The following CDH18 variants were observed in gnomAD, a reference collection of about 807,000 sequenced individuals.
CDH18 encodes the protein cadherin-18.
In CDH18, 31 loss-of-function variants were observed where a neutral mutation model predicts 67.9. That is an observed-to-expected ratio of 0.46 (90% CI 0.34 to 0.62). The LOEUF (loss-of-function observed/expected upper bound fraction) is 0.62. CDH18 is among the 20% of genes least tolerant of loss of function. The pLI is 0.01. For synonymous variants in CDH18, 362 were observed against 347.2 expected, an observed-to-expected ratio of 1.04 and a Z score of -0.48; for missense variants, 890 against 975.5, an observed-to-expected ratio of 0.91 and a Z score of 1.17.
intron 2 of CDH18, among the ~76,000 whole-genome samples, chr5:19,929,380 T>C (rs531204105): frequency 6.6e-6 from 1 of 152,024 alleles, no homozygotes; most frequent in Non-Finnish European, 1.5e-5. Context: ...ACAGCAAGCA[T>C]TAGGAAACAG....
intron 1 of CDH18, among the ~76,000 whole-genome samples, chr5:20,545,160 G>A (rs925275934): frequency 1.3e-5 from 2 of 152,172 alleles, no homozygotes; most frequent in East Asian, 1.9e-4. Context: ...GGCTCCCAAG[G>A]CCTTTGGCAA....
intron 2 of CDH18, among the ~76,000 whole-genome samples, chr5:19,977,439 A>G (rs1161071310): frequency 2.0e-5 from 3 of 152,184 alleles, no homozygotes; most frequent in East Asian, 3.9e-4. Flanking sequence ...CAGATGGACA[A>G]TTTGTGCCAG....
At chr5:19,526,719 T>C (rs1013025157) in intron 9 of CDH18, among the ~76,000 whole-genome samples, 1 of 152,074 alleles carries the variant, frequency 6.6e-6, no homozygotes, top group Non-Finnish European at 1.5e-5. Context: ...GGGAATTTGG[T>C]AGATTTCTAA....
intron 1 of CDH18, among the ~76,000 whole-genome samples, chr5:20,502,839 T>G (rs973769799): frequency 6.6e-6 from 1 of 152,138 alleles, no homozygotes; most frequent in Non-Finnish European, 1.5e-5. Context: ...GCCACTTTGA[T>G]GGGTTGACAT....
chr5:19,514,752 T>C lies in CDH18; in HGVS notation c.1512+5905A>G, dbSNP rs542798212. On this transcript the variant is annotated intron_variant, in intron 10 of 12. Coordinates refer to ENST00000382275, the MANE Select transcript of CDH18 (RefSeq NM_004934.5). The stretch of plus-strand genomic sequence containing the variant: ...TTGTAGATTCTGGATATTAGCCCTT[T>C]GTCAGATGAGTAGATTGCAAAAATT... 5.3e-5 allele frequency among the ~76,000 whole-genome samples: 8 copies of C among 152,346 alleles called. 1 individual carries two copies. The highest frequency in any genetic ancestry group is 1.9e-4 in the African/African-American group (8 of 41,586).
intron 1 of CDH18, among the ~76,000 whole-genome samples, chr5:20,432,265 AT>A (rs1158677244): frequency 3.3e-5 from 5 of 152,190 alleles, no homozygotes; most frequent in African/African-American, 1.2e-4. Flanking sequence ...CAAAATACTA[AT>A]TATTATTTTC....
chr5:20,166,065 C>T (rs183620677), intron 2 of CDH18, among the ~76,000 whole-genome samples: 1 of 152,210 alleles, frequency 6.6e-6, no homozygotes, highest in East Asian at 1.9e-4. Context: ...TAATGCCCTA[C>T]CAGGAATCCT....
At position 20,402,617 on chromosome 5, in the gene CDH18, T is replaced by C. The variant is rs75157643; in HGVS notation, c.-579-147112A>G. On this transcript the variant is annotated intron_variant, in intron 1 of 14. Transcript: ENST00000507958. ...GTCTCTTCAGTGTACAATAATATTG[T>C]CTAAAAACGTGGATATCTTAACTTA... is the stretch of plus-strand genomic sequence containing the variant. 3.0e-3 allele frequency among the ~76,000 whole-genome samples: 452 copies of C among 151,652 alleles called. 2 individuals are homozygous for C. Among genetic ancestry groups the C allele is most frequent in the African/African-American group, 0.011 (435 of 40,966 alleles).
In CDH18 at chr5:19,960,561, ATGTGTGTG is replaced by A. The variant is rs146985982; in HGVS notation, c.-257+20491_-257+20498del. On this transcript the variant is annotated intron_variant, in intron 2 of 12. Coordinates refer to ENST00000382275, the MANE Select transcript of CDH18 (RefSeq NM_004934.5). The stretch of plus-strand genomic sequence containing the variant: ...GTTTAATATACGTGTGTGTGTGTGT[ATGTGTGTG>A]TGTGTGTGTGTGTGTGTGTGTATAT... Among the ~76,000 whole-genome samples, 521 of 121,506 alleles carry A rather than the reference ATGTGTGTG, an allele frequency of 4.3e-3. 3 individuals carry two copies. The highest frequency in any genetic ancestry group is 0.01 in the Middle Eastern group (2 of 198). The allele number at this position is 121,506 out of a possible 152,430, so 79.7% of individuals were successfully genotyped here.
chr5:20,149,784 T>C (rs955632690), intron 2 of CDH18, among the ~76,000 whole-genome samples: 2 of 152,146 alleles, frequency 1.3e-5, no homozygotes, highest in Non-Finnish European at 2.9e-5. Flanking sequence ...GCTGTCCACA[T>C]TTTCTCATAA....
At chr5:20,412,511 A>T (rs1746873031) in intron 1 of CDH18, among the ~76,000 whole-genome samples, 1 of 152,238 alleles carries the variant, frequency 6.6e-6, no homozygotes, top group African/African-American at 2.4e-5. Flanking sequence ...AACAGGACTT[A>T]ATTAAAGCAA....
chr5:20,107,572 T>C (rs1161586981), intron 2 of CDH18, among the ~76,000 whole-genome samples: 4 of 152,074 alleles, frequency 2.6e-5, no homozygotes, highest in African/African-American at 7.2e-5. Context: ...GTACCACAGA[T>C]TGGGTGGCTT....
intron 1 of CDH18, chr5:20,304,136 G>C: frequency 6.3e-7 from 1 of 1,594,938 alleles, no homozygotes; most frequent in Non-Finnish European, 8.6e-7. Flanking sequence ...TGGCATGGTG[G>C]CATTCTTCTC....
intron 1 of CDH18, among the ~76,000 whole-genome samples, chr5:20,499,264 A>T (rs899159081): frequency 6.6e-6 from 1 of 152,098 alleles, no homozygotes; most frequent in African/African-American, 2.4e-5. Context: ...ACATCTTCCT[A>T]TATATTTTAA....
Position 20,464,932 on chromosome 5 carries a change from T to C in CDH18, c.-580+110530A>G, listed in dbSNP as rs192819676. On this transcript the variant is annotated intron_variant, in intron 1 of 14. Coordinates refer to the CDH18 transcript ENST00000507958. ...ACTCACAGACATGAACAGTCAGATATTGGATTCTAAAAAAAGTATAATTAA... is the reference window on the plus strand; with the variant it reads ...ACTCACAGACATGAACAGTCAGATACTGGATTCTAAAAAAAGTATAATTAA... Among the ~76,000 whole-genome samples the C allele has an allele frequency of 5.1e-4, 78 of 152,138 alleles. 1 individual carries two copies. Among genetic ancestry groups the C allele is most frequent in the Non-Finnish European group, 9.7e-4 (66 of 67,962 alleles).
At chr5:20,004,942 T>A (rs1736769336) in intron 2 of CDH18, among the ~76,000 whole-genome samples, 1 of 152,064 alleles carries the variant, frequency 6.6e-6, no homozygotes, top group Non-Finnish European at 1.5e-5. Context: ...AATTCCACTA[T>A]CTATCTACAA....
At chr5:19,682,111 C>T (rs1760424358) in intron 5 of CDH18, among the ~76,000 whole-genome samples, 1 of 151,970 alleles carries the variant, frequency 6.6e-6, no homozygotes, top group African/African-American at 2.4e-5. Flanking sequence ...TTATTTAAGC[C>T]TTTATTTATA....
chr5:19,987,112 C>G (rs754818198), intron 1 of CDH18, among the ~76,000 whole-genome samples: 4 of 151,970 alleles, frequency 2.6e-5, no homozygotes, highest in African/African-American at 9.7e-5. Flanking sequence ...AGGAAAAAAG[C>G]AAGGAACATT....
At chr5:19,841,145 C>T (rs1050655169) in intron 2 of CDH18, among the ~76,000 whole-genome samples, 3 of 152,148 alleles carry the variant, frequency 2.0e-5, no homozygotes, top group African/African-American at 7.2e-5. Context: ...GCTTACTTCA[C>T]CATTGTGCAA....
Sources: gnomAD v4.1 joint callset for allele counts (sites outside exome capture counted in the v4.1 genomes callset) on GRCh38, gnomAD v4.1.1 for gene constraint, MANE v1.5 for transcripts, NCBI Gene and HGNC (gene_info 2026-07-23, HGNC 2026-07-21) for gene names.